SCAPER: variants seen among roughly 807,000 people sequenced by gnomAD.
SCAPER encodes S phase cyclin A-associated protein in the endoplasmic reticulum.
A neutral mutation model predicts 182.2 loss-of-function variants in SCAPER; 98 were observed. The ratio of observed to expected loss-of-function variants is 0.54; its 90% CI spans 0.46 to 0.64. The LOEUF is 0.64. Ranked by LOEUF, SCAPER falls within the 30% of genes least tolerant of loss-of-function variation. The pLI is 0.00. For missense variants in SCAPER, 1,432 were observed against 1,690.0 expected, an observed-to-expected ratio of 0.85 and a Z score of 2.68; for synonymous variants, 605 against 564.6, an observed-to-expected ratio of 1.07 and a Z score of -1.01.
chr15:76,797,256 T>C (rs772758281), intron 7 of SCAPER: 2 of 152,178 alleles, frequency 1.3e-5, no homozygotes, highest in Non-Finnish European at 2.9e-5. Flanking sequence ...TAACATTCAC[T>C]CTAAAGAAGT....
intron 23 of SCAPER, among the ~76,000 whole-genome samples, chr15:76,517,599 C>T (rs2042533955): frequency 6.6e-6 from 1 of 152,104 alleles, no homozygotes; most frequent in South Asian, 2.1e-4. Context: ...GATCCACCCG[C>T]CTCGGCCTCC....
chr15:76,885,570 G>T (rs1009343790), intron 1 of SCAPER, among the ~76,000 whole-genome samples: 7 of 152,328 alleles, frequency 4.6e-5, no homozygotes, highest in Admixed American at 1.3e-4. Flanking sequence ...TGCAACCTCT[G>T]CCTCCCTGAC....
At chr15:76,455,732 C>G (rs867338274) in intron 25 of SCAPER, among the ~76,000 whole-genome samples, 5 of 152,228 alleles carry the variant, frequency 3.3e-5, no homozygotes, top group Middle Eastern at 3.4e-3. Flanking sequence ...TAGGTATACA[C>G]GTGCCGTGGT....
intron 17 of SCAPER, among the ~76,000 whole-genome samples, chr15:76,706,511 G>C (rs2059269609): frequency 1.3e-5 from 2 of 152,036 alleles, no homozygotes; most frequent in Admixed American, 6.5e-5. Flanking sequence ...TATGAAGGAA[G>C]AGATAAAGGT....
chr15:76,815,170 C>A (rs2066964048), intron 5 of SCAPER, among the ~76,000 whole-genome samples: 1 of 152,110 alleles, frequency 6.6e-6, no homozygotes, highest in African/African-American at 2.4e-5. Flanking sequence ...GAAATGTAAA[C>A]TGGTATAACC....
intron 28 of SCAPER, 71 bp from the exon 29 acceptor site, chr15:76,376,382 A>G (rs994301776): frequency 6.1e-6 from 9 of 1,474,336 alleles, no homozygotes; most frequent in Admixed American, 2.3e-5. Context: ...ACAAAGCAAG[A>G]CTGGCCCTGT....
At chr15:76,508,470 G>C (rs2041773164) in intron 23 of SCAPER, among the ~76,000 whole-genome samples, 1 of 152,164 alleles carries the variant, frequency 6.6e-6, no homozygotes, top group Non-Finnish European at 1.5e-5. Context: ...TTCAGTTTTA[G>C]TAGCTATGGC....
chr15:76,591,877 T>C (rs2145681100), intron 22 of SCAPER, among the ~76,000 whole-genome samples: 1 of 152,192 alleles, frequency 6.6e-6, no homozygotes, highest in African/African-American at 2.4e-5. Context: ...CTGGGCAACA[T>C]GGCAAAACCC....
chr15:76,472,179 T>C, intron 24 of SCAPER: 1 of 476,152 alleles, frequency 2.1e-6, no homozygotes, highest in Non-Finnish European at 4.0e-6. Flanking sequence ...CGTAAGGTTG[T>C]CTGCTTAACC....
At chr15:76,876,928 A>C (rs1317118273) in intron 2 of SCAPER, among the ~76,000 whole-genome samples, 1 of 152,224 alleles carries the variant, frequency 6.6e-6, no homozygotes, top group Non-Finnish European at 1.5e-5. Context: ...TGCTCAAAGA[A>C]TAATATGGAC....
chr15:76,488,522 C>G (rs1190224240), intron 24 of SCAPER, among the ~76,000 whole-genome samples: 1 of 152,120 alleles, frequency 6.6e-6, no homozygotes, highest in African/African-American at 2.4e-5. Context: ...ATCATACTCT[C>G]TCCTTCAATC....
chr15:76,792,204 T>A (rs940868144), intron 8 of SCAPER, among the ~76,000 whole-genome samples: 2 of 152,072 alleles, frequency 1.3e-5, no homozygotes, highest in Non-Finnish European at 2.9e-5. Context: ...TATTGAGGAC[T>A]TTCATCCTCA....
Position 76,740,627 on chromosome 15 carries a change from A to G in SCAPER, c.1867-7243T>C, listed in dbSNP as rs78980891. ...AAATATGATCTCAAACCAACATATA[A>G]TTCAGGTAGAAATGCCACAGGCCTA... On this transcript the variant is annotated intron_variant, in intron 15 of 31. Transcript: ENST00000563290. Among the ~76,000 whole-genome samples the G allele has an allele frequency of 1.2e-3, 190 of 152,306 alleles. 2 individuals are homozygous for G. Among genetic ancestry groups the G allele is most frequent in the African/African-American group, 4.5e-3 (186 of 41,588 alleles).
At chr15:76,490,088 A>G (rs1251449197) in intron 24 of SCAPER, among the ~76,000 whole-genome samples, 4 of 152,196 alleles carry the variant, frequency 2.6e-5, no homozygotes, top group East Asian at 1.9e-4. Flanking sequence ...AAAATTGTCA[A>G]TAGTGCTGAA....
intron 5 of SCAPER, among the ~76,000 whole-genome samples, chr15:76,825,496 A>G (rs923640404): frequency 2.0e-5 from 3 of 152,128 alleles, no homozygotes; most frequent in African/African-American, 7.2e-5. Context: ...TTCAAACCAT[A>G]TTTGTCCATA....
intron 21 of SCAPER, among the ~76,000 whole-genome samples, chr15:76,641,115 G>A (rs1011175540): frequency 5.9e-5 from 9 of 152,114 alleles, no homozygotes; most frequent in Admixed American, 4.6e-4. Flanking sequence ...TGGTCTAACC[G>A]GTTGTCTAGC....
chr15:76,477,538 G>A (rs946828709), intron 24 of SCAPER, among the ~76,000 whole-genome samples: 4 of 151,982 alleles, frequency 2.6e-5, no homozygotes, highest in Non-Finnish European at 5.9e-5. Flanking sequence ...CAAAGAATAT[G>A]AACATTTTAT....
At chr15:76,390,734 T>C (rs537760981) in intron 27 of SCAPER, among the ~76,000 whole-genome samples, 11 of 152,328 alleles carry the variant, frequency 7.2e-5, no homozygotes, top group South Asian at 4.1e-4. Context: ...CTGGTTTGGC[T>C]AGTTGATACT....
intron 23 of SCAPER, among the ~76,000 whole-genome samples, chr15:76,551,421 T>C (rs1280033261): frequency 6.6e-6 from 1 of 152,068 alleles, no homozygotes; most frequent in Non-Finnish European, 1.5e-5. Flanking sequence ...CTGGATACAC[T>C]TGGAGGACAT....
Sources: gnomAD v4.1 joint callset for allele counts (sites outside exome capture counted in the v4.1 genomes callset) on GRCh38, gnomAD v4.1.1 for gene constraint, MANE v1.5 for transcripts, NCBI Gene and HGNC (gene_info 2026-07-23, HGNC 2026-07-21) for gene names.